XPR1: variants seen among roughly 807,000 people sequenced by gnomAD.
The protein encoded by XPR1 is solute carrier family 53 member 1.
XPR1 carries 28 observed loss-of-function variants against 87.5 expected under a neutral mutation model. The ratio of observed to expected loss-of-function variants is 0.32; its 90% CI spans 0.24 to 0.44. The LOEUF is 0.44. XPR1 is among the 20% of genes least tolerant of loss of function. The probability of loss-of-function intolerance (pLI) is 1.00; values close to 1 mark genes in which losing one functional copy is unlikely to be tolerated. For missense variants in XPR1, 559 were observed against 862.3 expected (o/e 0.65, Z 4.41); for synonymous variants, 300 against 306.1 (o/e 0.98, Z 0.21).
chr1:180,634,703 T>C (rs939810209), intron 1 of XPR1, among the ~76,000 whole-genome samples: 2 of 152,160 alleles, frequency 1.3e-5, no homozygotes, highest in Non-Finnish European at 2.9e-5. Context: ...CCTAGGGTGC[T>C]TTCTAGTATC....
intron 11 of XPR1, among the ~76,000 whole-genome samples, chr1:180,858,441 T>C (rs1347980088): frequency 6.6e-6 from 1 of 152,210 alleles, no homozygotes; most frequent in Non-Finnish European, 1.5e-5. Flanking sequence ...TCCCACACTA[T>C]GTTAGAAATT....
At chr1:180,712,722 C>T (rs1218923945) in intron 2 of XPR1, among the ~76,000 whole-genome samples, 3 of 151,958 alleles carry the variant, frequency 2.0e-5, no homozygotes, top group African/African-American at 7.2e-5. Flanking sequence ...AGGAGAATCG[C>T]TTGAACCTGG....
chr1:180,677,296 G>A (rs946693604), intron 1 of XPR1, among the ~76,000 whole-genome samples: 3 of 152,150 alleles, frequency 2.0e-5, no homozygotes, highest in Admixed American at 6.5e-5. Flanking sequence ...ACATAGAACC[G>A]TCTATACAGG....
chr1:180,746,864 G>T (rs945044118), intron 2 of XPR1, among the ~76,000 whole-genome samples: 2 of 152,018 alleles, frequency 1.3e-5, no homozygotes, highest in Non-Finnish European at 2.9e-5. Flanking sequence ...GGGGGTTGGG[G>T]ACCTGAGTAC....
rs1351077206 is a variant in XPR1 at position 180,888,044 on chromosome 1, C to T, written c.*3978C>T. ...AAGATGTTGGACGTTGGCAGTAAGCCGCAGCAAGGCAGTTAGGAAAGTACG... is the reference window on the plus strand; with the variant it reads ...AAGATGTTGGACGTTGGCAGTAAGCTGCAGCAAGGCAGTTAGGAAAGTACG... On this transcript the variant is annotated 3_prime_UTR_variant, in exon 15 of 15. Coordinates refer to ENST00000367590, the MANE Select transcript of XPR1 (RefSeq NM_004736.4). The T allele has an allele frequency of 2.0e-5, 3 of 152,076 alleles. No homozygotes were observed. The highest frequency in any genetic ancestry group is 4.8e-5 in the African/African-American group (2 of 41,384). 9.4% of individuals were successfully genotyped at this position (152,076 alleles called of 1,614,324 possible).
intron 13 of XPR1, among the ~76,000 whole-genome samples, chr1:180,878,851 C>T (rs1652749084): frequency 6.6e-6 from 1 of 152,184 alleles, no homozygotes; most frequent in African/African-American, 2.4e-5. Flanking sequence ...TCTTCCTCCT[C>T]CCCCCAAACT....
intron 2 of XPR1, among the ~76,000 whole-genome samples, chr1:180,757,869 T>TAAAAAAAA (rs35162664): frequency 1.2e-4 from 5 of 40,068 alleles, no homozygotes; most frequent in Non-Finnish European, 1.7e-4. Flanking sequence ...GTTGAAAATG[T>TAAAAAAAA]AAAAAAAAAA....
Position 180,830,698 on chromosome 1 carries a change from G to A in XPR1, c.1135-4176G>A, listed in dbSNP as rs182046317. Among the ~76,000 whole-genome samples the A allele has an allele frequency of 7.5e-4, 114 of 152,242 alleles. 1 individual carries two copies. The highest frequency in any genetic ancestry group is 2.6e-3 in the African/African-American group (109 of 41,562). On this transcript the variant is annotated intron_variant, in intron 9 of 14. Coordinates refer to ENST00000367590, the MANE Select transcript of XPR1 (RefSeq NM_004736.4). ...CATTTCCTACTGTATAAGATAGAAA[G>A]GGGTCCTTTAGGATGAGGATTAAGG... is the stretch of plus-strand genomic sequence containing the variant.
chr1:180,738,626 T>G (rs887725945), intron 2 of XPR1, among the ~76,000 whole-genome samples: 9 of 152,214 alleles, frequency 5.9e-5, no homozygotes, highest in Non-Finnish European at 1.5e-5. Flanking sequence ...ATCACTATGG[T>G]TTTAATTTGC....
intron 2 of XPR1, among the ~76,000 whole-genome samples, chr1:180,738,853 AACAGTGG>A (rs1658821715): frequency 6.6e-6 from 1 of 152,242 alleles, no homozygotes; most frequent in African/African-American, 2.4e-5. Context: ...TCATTCTTTT[AACAGTGG>A]CCTTCACATA....
chr1:180,686,820 G>T (rs1656798782), intron 2 of XPR1, among the ~76,000 whole-genome samples: 1 of 152,084 alleles, frequency 6.6e-6, no homozygotes, highest in Non-Finnish European at 1.5e-5. Flanking sequence ...ATAGTAGAAA[G>T]TCTCATTTCA....
intron 3 of XPR1, among the ~76,000 whole-genome samples, chr1:180,793,296 T>C (rs1193424531): frequency 6.6e-6 from 1 of 152,156 alleles, no homozygotes; most frequent in Non-Finnish European, 1.5e-5. Flanking sequence ...TTGCTGTATG[T>C]TTTTATTATT....
In XPR1 at chr1:180,843,697, T is replaced by TAA. The variant is rs557074080; in HGVS notation, c.1501+6994_1501+6995dup. 9.5e-3 allele frequency among the ~76,000 whole-genome samples: 1,349 copies of TAA among 141,688 alleles called. 24 individuals carry two copies. The highest frequency in any genetic ancestry group is 0.033 in the African/African-American group (1,290 of 38,978). 93.0% of individuals were successfully genotyped at this position (141,688 alleles called of 152,430 possible). ...TCTTTGTTACTTAAAGAAAAGTCTTTAAAAAAAAAAAAAAGAACACATATG... is the reference window on the plus strand; with the variant it reads ...TCTTTGTTACTTAAAGAAAAGTCTTTAAAAAAAAAAAAAAAAGAACACATATG... On this transcript the variant is annotated intron_variant, in intron 11 of 14. Transcript: ENST00000367590.
chr1:180,734,101 C>T (rs914165091), intron 2 of XPR1, among the ~76,000 whole-genome samples: 1 of 152,114 alleles, frequency 6.6e-6, no homozygotes, highest in South Asian at 2.1e-4. Context: ...AGTCTTTATT[C>T]CTGAGCCTTT....
chr1:180,884,049 G>A lies in XPR1; in HGVS notation c.2074G>A (p.Asp692Asn), dbSNP rs756495959. The A allele has an allele frequency of 1.1e-5, 17 of 1,613,808 alleles. No homozygotes were observed. The highest frequency in any genetic ancestry group is 5.3e-5 in the African/African-American group (4 of 74,876). Residue 692 changes from aspartate to asparagine, a missense_variant, in exon 15 of 15, where the codon GAT becomes AAT. Physicochemically the swap from Asp to Asn is conservative, Grantham distance 23. Around this residue, in one of 7 missense-constraint regions of XPR1, gnomAD observed 80 missense variants for 99.5 expected, o/e 0.80. Coordinates refer to ENST00000367590, the MANE Select transcript of XPR1 (RefSeq NM_004736.4). ...TAAGGTATTGATAGAAGACACAGAT[G>A]ATGAAGCTAACACTTGAATTTTCTG... ...DTKVLIEDTD[D>N]EANT
At chr1:180,717,053 C>T (rs1658020040) in intron 2 of XPR1, among the ~76,000 whole-genome samples, 3 of 152,168 alleles carry the variant, frequency 2.0e-5, no homozygotes, top group African/African-American at 7.2e-5. Context: ...AGTGCAATGG[C>T]ACAATCTCAG....
At chr1:180,679,126 C>T (rs1489669052) in intron 1 of XPR1, among the ~76,000 whole-genome samples, 7 of 151,900 alleles carry the variant, frequency 4.6e-5, no homozygotes, top group Non-Finnish European at 7.4e-5. Flanking sequence ...ACCCAGGAGG[C>T]GGAGCTTGCA....
chr1:180,677,439 G>A (rs1462519955), intron 1 of XPR1, among the ~76,000 whole-genome samples: 3 of 152,140 alleles, frequency 2.0e-5, no homozygotes, highest in Non-Finnish European at 4.4e-5. Flanking sequence ...TAAAATCATA[G>A]AGAGTCAAAG....
At chr1:180,769,843 G>A (rs1482471247) in intron 2 of XPR1, among the ~76,000 whole-genome samples, 1 of 152,100 alleles carries the variant, frequency 6.6e-6, no homozygotes, top group East Asian at 1.9e-4. Context: ...ATTTTTTGAG[G>A]AACCTCCAAA....
Sources: allele counts gnomAD v4.1 joint callset (sites outside exome capture counted in the v4.1 genomes callset), GRCh38; gene constraint gnomAD v4.1.1; regional missense constraint gnomAD v4.1.1; transcripts MANE v1.5; gene names NCBI Gene and HGNC (gene_info 2026-07-23, HGNC 2026-07-21).